KCNH5: variants seen among roughly 807,000 people sequenced by gnomAD.
The protein encoded by KCNH5 is voltage-gated delayed rectifier potassium channel KCNH5.
Under a neutral mutation model 96.1 loss-of-function variants are expected in KCNH5, and 46 were observed. The observed-to-expected ratio is 0.48, with a 90% CI of 0.38 to 0.61. The LOEUF (loss-of-function observed/expected upper bound fraction) is 0.61. Ranked by LOEUF, KCNH5 falls within the 20% of genes least tolerant of loss-of-function variation. KCNH5 has a pLI of 0.00. For synonymous variants in KCNH5, 439 were observed against 449.8 expected, an observed-to-expected ratio of 0.98 and a Z score of 0.30; for missense variants, 907 against 1,225.8, an observed-to-expected ratio of 0.74 and a Z score of 3.88.
At chr14:62,853,468 T>TATG (rs1555360167) in intron 7 of KCNH5, among the ~76,000 whole-genome samples, 1 of 124,432 alleles carries the variant, frequency 8.0e-6, no homozygotes, top group Non-Finnish European at 1.6e-5. Flanking sequence ...TATATATATA[T>TATG]ATATATATAT....
At chr14:62,821,582 T>G (rs1338388596) in intron 8 of KCNH5, among the ~76,000 whole-genome samples, 1 of 152,148 alleles carries the variant, frequency 6.6e-6, no homozygotes, top group Non-Finnish European at 1.5e-5. Flanking sequence ...AGCCCTAACT[T>G]GAATTTTAGT....
intron 4 of KCNH5, among the ~76,000 whole-genome samples, chr14:62,998,343 C>CT (rs1890948915): frequency 6.6e-6 from 1 of 151,972 alleles, no homozygotes; most frequent in Admixed American, 6.6e-5. Flanking sequence ...TGTCTTTACC[C>CT]TTTTTTCTCA....
intron 4 of KCNH5, among the ~76,000 whole-genome samples, chr14:63,000,021 C>T (rs1005800255): frequency 2.0e-5 from 3 of 152,052 alleles, no homozygotes; most frequent in African/African-American, 4.8e-5. Context: ...ATACTTTATT[C>T]GATCTTCAAA....
intron 4 of KCNH5, among the ~76,000 whole-genome samples, chr14:62,998,031 A>G (rs896347449): frequency 6.6e-6 from 1 of 151,598 alleles, no homozygotes; most frequent in Non-Finnish European, 1.5e-5. Context: ...CTCTGCTTCT[A>G]TTATCTGGAA....
chr14:62,911,564 A>G (rs1008441118), intron 7 of KCNH5, among the ~76,000 whole-genome samples: 19 of 152,112 alleles, frequency 1.2e-4, no homozygotes, highest in Admixed American at 7.2e-4. Flanking sequence ...TATTACAAAG[A>G]TATAAGAATT....
At chr14:62,955,136 A>C (rs1890079897) in intron 6 of KCNH5, among the ~76,000 whole-genome samples, 1 of 152,056 alleles carries the variant, frequency 6.6e-6, no homozygotes, top group Non-Finnish European at 1.5e-5. Flanking sequence ...TGTGAAAGGA[A>C]CTGGAAAAAG....
At chr14:62,951,616 T>G (rs1890007170) in intron 6 of KCNH5, among the ~76,000 whole-genome samples, 1 of 152,192 alleles carries the variant, frequency 6.6e-6, no homozygotes, top group South Asian at 2.1e-4. Context: ...GTAGAATAGA[T>G]GTATATTAAT....
At chr14:62,721,958 T>C (rs771880521) in intron 10 of KCNH5, among the ~76,000 whole-genome samples, 10 of 152,208 alleles carry the variant, frequency 6.6e-5, no homozygotes, top group Non-Finnish European at 1.0e-4. Flanking sequence ...TATTTTAGAA[T>C]AAATGGCGAG....
intron 10 of KCNH5, among the ~76,000 whole-genome samples, chr14:62,749,288 A>G (rs911585125): frequency 6.6e-6 from 1 of 152,218 alleles, no homozygotes; most frequent in Non-Finnish European, 1.5e-5. Flanking sequence ...ATTGGCTCAC[A>G]GGAATAAACA....
At chr14:62,943,398 T>C (rs1889826350) in intron 7 of KCNH5, among the ~76,000 whole-genome samples, 1 of 152,168 alleles carries the variant, frequency 6.6e-6, no homozygotes, top group African/African-American at 2.4e-5. Flanking sequence ...CTATGGTGCC[T>C]TCTGAATAGC....
At chr14:62,738,606 T>C (rs989129047) in intron 10 of KCNH5, among the ~76,000 whole-genome samples, 1 of 152,160 alleles carries the variant, frequency 6.6e-6, no homozygotes. Flanking sequence ...AAGGATTCCA[T>C]GGATAATATG....
intron 9 of KCNH5, among the ~76,000 whole-genome samples, chr14:62,799,503 G>T (rs1344600987): frequency 1.4e-5 from 2 of 146,776 alleles, no homozygotes; most frequent in African/African-American, 5.1e-5. Context: ...AACCTGGGAG[G>T]CGGAGGTTGC....
intron 7 of KCNH5, among the ~76,000 whole-genome samples, chr14:62,892,742 C>T (rs762561259): frequency 1.3e-4 from 20 of 152,218 alleles, no homozygotes; most frequent in African/African-American, 2.2e-4. Flanking sequence ...AAAAATTATG[C>T]GAAATCTACT....
chr14:62,810,558 G>C (rs1396613536), intron 8 of KCNH5, among the ~76,000 whole-genome samples: 3 of 152,048 alleles, frequency 2.0e-5, no homozygotes, highest in African/African-American at 7.2e-5. Context: ...TTGCAGTAAA[G>C]AAACTGGCTA....
At chr14:62,962,337 TA>T (rs886815892) in intron 6 of KCNH5, among the ~76,000 whole-genome samples, 1 of 152,038 alleles carries the variant, frequency 6.6e-6, no homozygotes, top group African/African-American at 2.4e-5. Context: ...AATCCAGATA[TA>T]AAAAAATGCT....
intron 7 of KCNH5, among the ~76,000 whole-genome samples, chr14:62,858,432 T>C (rs1487254185): frequency 1.3e-5 from 2 of 152,222 alleles, no homozygotes; most frequent in African/African-American, 4.8e-5. Context: ...CCATGCATAC[T>C]GTTCCTTACC....
At chr14:63,021,319 C>A (rs781036272) in intron 1 of KCNH5, among the ~76,000 whole-genome samples, 1 of 152,182 alleles carries the variant, frequency 6.6e-6, no homozygotes, top group Non-Finnish European at 1.5e-5. Context: ...ACAAAGCCCT[C>A]TGAAATCCAG....
chr14:62,722,432 C>T (rs1884834918), intron 10 of KCNH5, among the ~76,000 whole-genome samples: 1 of 151,738 alleles, frequency 6.6e-6, no homozygotes, highest in Non-Finnish European at 1.5e-5. Context: ...TAAAAATCTT[C>T]CCCAAGTCTA....
chr14:62,749,045 A>G (rs1469892028), intron 10 of KCNH5, among the ~76,000 whole-genome samples: 1 of 152,172 alleles, frequency 6.6e-6, no homozygotes, highest in African/African-American at 2.4e-5. Context: ...AATAGTCTGG[A>G]ACATACACAC....
Sources: allele counts gnomAD v4.1 joint callset (sites outside exome capture counted in the v4.1 genomes callset), GRCh38; gene constraint gnomAD v4.1.1; transcripts MANE v1.5; gene names NCBI Gene and HGNC (gene_info 2026-07-23, HGNC 2026-07-21).